The following EMILIN2 variants were observed in gnomAD, a reference collection of about 807,000 sequenced individuals.
EMILIN2 encodes the protein elastin microfibril interfacer 2, also known as EMILIN-2.
In EMILIN2, 71 loss-of-function variants were observed where a neutral mutation model predicts 87.1. That is an observed-to-expected ratio of 0.82 (90% CI 0.67 to 0.99). EMILIN2 has a LOEUF of 0.99. EMILIN2 is among the 50% of genes least tolerant of loss of function. The pLI is 0.00. For synonymous variants in EMILIN2, 581 were observed against 563.4 expected (o/e 1.03, Z -0.44); for missense variants, 1,407 against 1,371.8 (o/e 1.03, Z -0.40).
Position 2,906,529 on chromosome 18 carries a change from C to G in EMILIN2, c.2360-254C>G, listed in dbSNP as rs146497248. 1.7e-5 allele frequency: 6 copies of G among 345,786 alleles called. No homozygotes were observed. The East Asian group carries it at 2.6e-4, about 15-fold the overall frequency. The allele number at this position is 345,786 out of a possible 1,614,324, so 21.4% of individuals were successfully genotyped here. A position where few individuals can be genotyped will look rare whatever the true frequency, so the allele number is the denominator to read the frequency against. ...AAGAGTGAGGCCGGTTTGGAAAGTGCAGCCGTCTGCGCCGGAGAGGCTGGA... is the reference window on the plus strand; with the variant it reads ...AAGAGTGAGGCCGGTTTGGAAAGTGGAGCCGTCTGCGCCGGAGAGGCTGGA... On this transcript the variant is annotated intron_variant, in intron 4 of 7. Coordinates refer to ENST00000254528, the MANE Select transcript of EMILIN2 (RefSeq NM_032048.3).
At chr18:2,899,988 T>C (rs925681651) in intron 4 of EMILIN2, among the ~76,000 whole-genome samples, 2 of 152,228 alleles carry the variant, frequency 1.3e-5, no homozygotes, top group African/African-American at 2.4e-5. Flanking sequence ...GTTTGTACTT[T>C]GCAGAAATTT....
intron 2 of EMILIN2, among the ~76,000 whole-genome samples, chr18:2,873,167 T>C (rs564478274): frequency 3.2e-4 from 49 of 152,216 alleles, no homozygotes; most frequent in African/African-American, 1.1e-3. Flanking sequence ...TGCTAGCACT[T>C]TGGGAGGCCG....
chr18:2,860,204 G>T (rs2076653438), intron 2 of EMILIN2, among the ~76,000 whole-genome samples: 1 of 151,876 alleles, frequency 6.6e-6, no homozygotes, highest in Admixed American at 6.6e-5. Flanking sequence ...CCATGAACAT[G>T]GTGTGTGTTT....
At chr18:2,858,510 G>T (rs2076639013) in intron 2 of EMILIN2, among the ~76,000 whole-genome samples, 1 of 104,230 alleles carries the variant, frequency 9.6e-6, no homozygotes, top group African/African-American at 4.0e-5. Flanking sequence ...TTATAGCTGA[G>T]TAGTATTCCA....
At chr18:2,862,052 A>G (rs2076663632) in intron 2 of EMILIN2, among the ~76,000 whole-genome samples, 1 of 152,206 alleles carries the variant, frequency 6.6e-6, no homozygotes, top group South Asian at 2.1e-4. Flanking sequence ...ATTGGTGTAT[A>G]AGAATGCTGG....
intron 4 of EMILIN2, 83 bp downstream of exon 4, chr18:2,892,569 T>G (rs2144042267): frequency 6.7e-7 from 1 of 1,487,986 alleles, no homozygotes; most frequent in East Asian, 2.3e-5. Context: ...TGTTCATTTT[T>G]GATATTGTTG....
At chr18:2,869,606 T>A (rs574412000) in intron 2 of EMILIN2, among the ~76,000 whole-genome samples, 1 of 142,294 alleles carries the variant, frequency 7.0e-6, no homozygotes, top group South Asian at 2.1e-4. Flanking sequence ...AGTAGCTGAT[T>A]TTTTTTTTTG....
rs2076837679 is a variant in EMILIN2, at chr18:2,891,689, C to T, written c.1562C>T (p.Ala521Val). 5 of 1,614,016 alleles carry T rather than the reference C, an allele frequency of 3.1e-6. No homozygotes were observed. Among genetic ancestry groups the T allele is most frequent in the Non-Finnish European group, 4.2e-6 (5 of 1,180,026 alleles). ...GGTGCAGAGCTCAGTCCCCCAGGGGCAGCAGCCCTGCCAGGAGTGTCAGGG... is the reference window on the plus strand; with the variant it reads ...GGTGCAGAGCTCAGTCCCCCAGGGGTAGCAGCCCTGCCAGGAGTGTCAGGG... ...NTGAELSPPG[A>V]AALPGVSGSG... The change falls in exon 4 of 8, where the codon GCA (alanine) becomes GTA (valine). Residue 521 changes from alanine (A) to valine (V), a missense_variant. Coordinates refer to ENST00000254528, the MANE Select transcript of EMILIN2 (RefSeq NM_032048.3). This position sits in a 1 kb window ranked among gnomAD's most constrained non-coding sequence, Gnocchi z 4.6.
intron 2 of EMILIN2, among the ~76,000 whole-genome samples, chr18:2,851,370 G>A (rs1052088733): frequency 6.6e-6 from 1 of 152,168 alleles, no homozygotes; most frequent in African/African-American, 2.4e-5. Context: ...AGGAGTTCGA[G>A]GCTGCAGTGA....
chr18:2,908,844 C>A (rs1444534484), intron 5 of EMILIN2, 99 bp from the exon 6 acceptor site: 1 of 1,417,602 alleles, frequency 7.1e-7, no homozygotes, highest in Non-Finnish European at 1.0e-6. Flanking sequence ...AGTGAAGACT[C>A]GATTTGAACT....
chr18:2,890,425 G>A lies in EMILIN2; in HGVS notation c.434-136G>A, dbSNP rs1245366772. On this transcript the variant is annotated intron_variant, in intron 3 of 7. Coordinates refer to ENST00000254528, the MANE Select transcript of EMILIN2 (RefSeq NM_032048.3). The surrounding 1 kb of genome is among the most constrained non-coding windows in gnomAD (Gnocchi z 4.7). ...CCATACTCTTTTCTACTGTACCACA[G>A]TACTTACCTACAATTGTGTAGTGAC... 1.9e-6 allele frequency: 2 copies of A among 1,032,754 alleles called. No individual in the cohort carries two copies. Among genetic ancestry groups the A allele is most frequent in the African/African-American group, 1.6e-5 (1 of 62,326 alleles). 64.0% of individuals were successfully genotyped at this position (1,032,754 alleles called of 1,614,324 possible).
intron 4 of EMILIN2, among the ~76,000 whole-genome samples, chr18:2,899,869 G>A (rs1156913697): frequency 6.6e-6 from 1 of 152,238 alleles, no homozygotes; most frequent in Non-Finnish European, 1.5e-5. Context: ...CTGAGTGAGT[G>A]CCTTCTCTGT....
chr18:2,885,263 C>T (rs1042645456), intron 3 of EMILIN2, 124 bp downstream of exon 3: 4 of 997,626 alleles, frequency 4.0e-6, no homozygotes, highest in Non-Finnish European at 5.5e-6. Context: ...CACATAGATA[C>T]CTGCAGTAGC....
chr18:2,894,584 A>T lies in EMILIN2; in HGVS notation c.2359+2098A>T, dbSNP rs1229646194. On this transcript the variant is annotated intron_variant, in intron 4 of 7. Transcript: ENST00000254528. This position sits in a 1 kb window ranked among gnomAD's most constrained non-coding sequence, Gnocchi z 5.0. ...ATTTGGAACTCCCTGGTGGCGTGGG[A>T]AGCTGTGTTAACATTTTCGCATTTG... Among the ~76,000 whole-genome samples the T allele has an allele frequency of 6.6e-6, 1 of 152,212 alleles. No homozygotes were observed. Among genetic ancestry groups the T allele is most frequent in the Non-Finnish European group, 1.5e-5 (1 of 68,032 alleles).
rs2076956988 is a variant in EMILIN2 at position 2,914,526 on chromosome 18, G to C, written c.*1122G>C. ...TCACACAGCGAGACGCCTCCACTGA[G>C]GGGAGGCCCGGGAGTATCAATCTGT... On this transcript the variant is annotated 3_prime_UTR_variant, in exon 8 of 8. Coordinates refer to ENST00000254528, the MANE Select transcript of EMILIN2 (RefSeq NM_032048.3). 1 of 152,178 alleles carries C rather than the reference G, an allele frequency of 6.6e-6. No individual in the cohort carries two copies. The highest frequency in any genetic ancestry group is 2.4e-5 in the African/African-American group (1 of 41,428). The allele number at this position is 152,178 out of a possible 1,614,324, so 9.4% of individuals were successfully genotyped here.
chr18:2,877,175 G>T (rs971808014), intron 2 of EMILIN2, among the ~76,000 whole-genome samples: 5 of 152,190 alleles, frequency 3.3e-5, no homozygotes, highest in African/African-American at 1.2e-4. Context: ...GCAGAGATTG[G>T]CTTTATAGAT....
intron 2 of EMILIN2, among the ~76,000 whole-genome samples, chr18:2,865,430 T>G (rs1568458056): frequency 6.6e-6 from 1 of 152,232 alleles, no homozygotes; most frequent in African/African-American, 2.4e-5. Flanking sequence ...CTTCTAACAG[T>G]CAGGATCCTC....
chr18:2,887,413 T>C (rs1366955739), intron 3 of EMILIN2, among the ~76,000 whole-genome samples: 2 of 152,212 alleles, frequency 1.3e-5, no homozygotes, highest in Admixed American at 6.5e-5. Flanking sequence ...TGGGGTATCA[T>C]GGGAGGTGTT....
rs2076577520 is a variant in EMILIN2 at position 2,847,036 on chromosome 18, G to T, written c.-153G>T. 7.6e-6 allele frequency: 8 copies of T among 1,056,648 alleles called. No individual in the cohort carries two copies. The highest frequency in any genetic ancestry group is 9.2e-6 in the Non-Finnish European group (8 of 870,562). The allele number at this position is 1,056,648 out of a possible 1,614,324, so 65.5% of individuals were successfully genotyped here. A position where few individuals can be genotyped will look rare whatever the true frequency, so the allele number is the denominator to read the frequency against. ...GAGAAGTAGGAACGAGAAGCCGGAG[G>T]GGGCGGCCGCGGAGCACTGGTTGGA... On this transcript the variant is annotated 5_prime_UTR_variant, in exon 1 of 8. Transcript: ENST00000254528. This position sits in a 1 kb window ranked among gnomAD's most constrained non-coding sequence, Gnocchi z 4.5.
Sources: allele counts gnomAD v4.1 joint callset (sites outside exome capture counted in the v4.1 genomes callset), GRCh38; gene constraint gnomAD v4.1.1; non-coding constraint Gnocchi (gnomAD v3.1); transcripts MANE v1.5; gene names NCBI Gene and HGNC (gene_info 2026-07-23, HGNC 2026-07-21).